Variants in TNN observed in about 807,000 individuals in gnomAD.
The protein encoded by TNN is tenascin-N.
In TNN, 122 loss-of-function variants were observed where a neutral mutation model predicts 134.4. The observed-to-expected ratio is 0.91, with a 90% confidence interval of 0.78 to 1.06. The LOEUF (loss-of-function observed/expected upper bound fraction) is 1.06. TNN is among the 50% of genes least tolerant of loss of function. The probability of loss-of-function intolerance (pLI) is 0.00; values close to 1 mark genes in which losing one functional copy is unlikely to be tolerated. For missense variants in TNN, 1,739 were observed against 1,699.4 expected, an observed-to-expected ratio of 1.02 and a Z score of -0.41; for synonymous variants, 710 against 670.3, an observed-to-expected ratio of 1.06 and a Z score of -0.91.
At chr1:175,126,083 A>G (rs1675521669) in intron 12 of TNN, among the ~76,000 whole-genome samples, 1 of 140,974 alleles carries the variant, frequency 7.1e-6, no homozygotes, top group South Asian at 2.2e-4. Context: ...GTATGTAAGA[A>G]ACATAACTTT....
At position 175,083,841 on chromosome 1, in the gene TNN, C is replaced by T. The variant is rs1674257616; in HGVS notation, c.1140C>T (p.Tyr380=). ...AAAACCCCTCAACTGAGGTGGACTACTACAAGCTGCGATATGGCCCCATGA... is the reference window on the plus strand; with the variant it reads ...AAAACCCCTCAACTGAGGTGGACTATTACAAGCTGCGATATGGCCCCATGA... ...EWENPSTEVD[Y]YKLRYGPMTG... The change falls in exon 5 of 19, where the codon TAC becomes TAT. Residue 380 remains tyrosine, a synonymous_variant. Transcript: ENST00000239462. 1 of 1,614,124 alleles carries T rather than the reference C, an allele frequency of 6.2e-7. No individual in the cohort carries two copies. The highest frequency in any genetic ancestry group is 1.3e-5 in the African/African-American group (1 of 74,942).
intron 5 of TNN, among the ~76,000 whole-genome samples, chr1:175,084,168 T>C (rs919154660): frequency 4.6e-5 from 7 of 152,180 alleles, no homozygotes; most frequent in African/African-American, 1.7e-4. Context: ...GTTAACAGAT[T>C]ATATTTGTGA....
Position 175,117,081 on chromosome 1 carries a change from G to C in TNN, c.2262G>C (p.Pro754=), listed in dbSNP as rs199995910. 6.2e-7 allele frequency: 1 copy of C among 1,614,250 alleles called. No homozygotes were observed. Among genetic ancestry groups the C allele is most frequent in the Non-Finnish European group, 8.5e-7 (1 of 1,180,038 alleles). The change falls in exon 10 of 19, where the codon CCG becomes CCC. Residue 754 remains proline (P), a synonymous_variant. Transcript: ENST00000239462. ...SAKDGETREV[P]VGKEQSSTVL... is the part of the protein sequence containing the mutation. ...AGGACGGAGAGACCAGGGAGGTTCC[G>C]GTGGGGAAGGAGCAGAGTAGCACTG...
At chr1:175,110,634 C>T (rs574630163) in intron 9 of TNN, among the ~76,000 whole-genome samples, 31 of 152,282 alleles carry the variant, frequency 2.0e-4, no homozygotes, top group Admixed American at 1.8e-3. Context: ...GTTCTTTCCC[C>T]ATTGAATGTT....
In TNN at chr1:175,094,144, G is replaced by T. The variant is rs756217445; in HGVS notation, c.1479G>T (p.Glu493Asp). Residue 493 changes from glutamate (E) to aspartate (D), a missense_variant, in exon 7 of 19, where the codon GAG (glutamate) becomes GAT (aspartate). Coordinates refer to ENST00000239462, the MANE Select transcript of TNN (RefSeq NM_022093.2). ...AGGAAATGGCAGTGCACAAGGATGA[G>T]AGCAGCACTGTCCTGACGGGCCTGA... ...DTKEMAVHKD[E>D]SSTVLTGLKP... The T allele has an allele frequency of 5.6e-6, 9 of 1,614,222 alleles. No homozygotes were observed. The highest frequency in any genetic ancestry group is 7.6e-6 in the Non-Finnish European group (9 of 1,180,040).
rs561279916 is a variant in TNN, at chr1:175,088,056, C to A, written c.1324+2562C>A. 2.3e-3 allele frequency among the ~76,000 whole-genome samples: 355 copies of A among 152,322 alleles called. 3 individuals carry two copies. Among genetic ancestry groups the A allele is most frequent in the African/African-American group, 8.3e-3 (345 of 41,566 alleles). On this transcript the variant is annotated intron_variant, in intron 6 of 18. Transcript: ENST00000239462. ...CCCCAAACCTCCACTTGTTCAGCAA[C>A]CAGGAAGCACTCTGAACCCAGTCCT...
intron 3 of TNN, 95 bp downstream of exon 3, chr1:175,079,802 C>G (rs564269163): frequency 6.9e-7 from 1 of 1,439,544 alleles, no homozygotes; most frequent in Admixed American, 2.6e-5. Context: ...GGGGTCTCTT[C>G]CTTTAGCCTA....
At chr1:175,086,059 T>A (rs905193378) in intron 6 of TNN, among the ~76,000 whole-genome samples, 4 of 152,202 alleles carry the variant, frequency 2.6e-5, no homozygotes, top group African/African-American at 7.2e-5. Context: ...CTGACACCGT[T>A]CTGCTTATTT....
At chr1:175,095,901 T>C (rs1317159660) in intron 7 of TNN, among the ~76,000 whole-genome samples, 1 of 152,200 alleles carries the variant, frequency 6.6e-6, no homozygotes. Context: ...GAAGTTGGAA[T>C]AGAGAAGAAC....
chr1:175,102,509 G>A (rs1201357691), intron 9 of TNN, among the ~76,000 whole-genome samples: 1 of 145,748 alleles, frequency 6.9e-6, no homozygotes, highest in African/African-American at 2.5e-5. Flanking sequence ...GCACTGCTGG[G>A]GGACCCAGTA....
chr1:175,125,023 A>T (rs1281181986), intron 12 of TNN, among the ~76,000 whole-genome samples: 1 of 152,244 alleles, frequency 6.6e-6, no homozygotes, highest in Non-Finnish European at 1.5e-5. Context: ...AGGTGGCAGG[A>T]GATTGCTTAA....
At chr1:175,110,240 T>G (rs1168344540) in intron 9 of TNN, among the ~76,000 whole-genome samples, 2 of 152,234 alleles carry the variant, frequency 1.3e-5, no homozygotes, top group Non-Finnish European at 2.9e-5. Context: ...TGCTATTGAG[T>G]TTGAACTCCT....
chr1:175,095,614 C>T (rs993249909), intron 7 of TNN, among the ~76,000 whole-genome samples: 3 of 152,192 alleles, frequency 2.0e-5, no homozygotes, highest in African/African-American at 7.2e-5. Context: ...CGCTCTCTTG[C>T]CCAGGCTGGA....
In TNN at chr1:175,126,985, C is replaced by G. The variant is rs1558370129; in HGVS notation, c.2945C>G (p.Ser982Cys). 1.9e-6 allele frequency: 3 copies of G among 1,613,938 alleles called. No individual in the cohort carries two copies. The highest frequency in any genetic ancestry group is 2.5e-6 in the Non-Finnish European group (3 of 1,179,958). ...ELDPPRNLRP[S>C]AVTQSGGILT... ...GACCCTCCCAGAAACCTTCGTCCAT[C>G]TGCTGTAACGCAGTCTGGTGGCATA... Residue 982 changes from serine (S) to cysteine (C), a missense_variant, in exon 13 of 19, where the codon TCT becomes TGT. By Grantham distance (112) the Ser-to-Cys change is moderately radical. Coordinates refer to ENST00000239462, the MANE Select transcript of TNN (RefSeq NM_022093.2).
At position 175,097,603 on chromosome 1, in the gene TNN, C is replaced by G. The variant is rs1416671550; in HGVS notation, c.1775C>G (p.Pro592Arg). ...QSSTVLTGLR[P>R]GVEYTVHVWA... is the part of the protein sequence containing the mutation. ...AGCACTGTCCTGACAGGCCTGAGGC[C>G]AGGTGTGGAGTACACAGTGCATGTC... is the stretch of plus-strand genomic sequence containing the variant. Residue 592 changes from proline (P) to arginine (R), a missense_variant, in exon 8 of 19, where the codon CCA (proline) becomes CGA (arginine). Physicochemically the swap from Pro to Arg is moderately radical, Grantham distance 103. Coordinates refer to ENST00000239462, the MANE Select transcript of TNN (RefSeq NM_022093.2). 6.2e-7 allele frequency: 1 copy of G among 1,614,128 alleles called. No individual in the cohort carries two copies. The highest frequency in any genetic ancestry group is 2.2e-5 in the East Asian group (1 of 44,880).
intron 12 of TNN, among the ~76,000 whole-genome samples, chr1:175,124,796 C>T (rs1675467674): frequency 6.6e-6 from 1 of 152,238 alleles, no homozygotes; most frequent in African/African-American, 2.4e-5. Context: ...CTTCTTCCCT[C>T]TTTCCCACTT....
chr1:175,130,891 C>G (rs1036259011), intron 15 of TNN, among the ~76,000 whole-genome samples: 2 of 152,116 alleles, frequency 1.3e-5, no homozygotes, highest in Admixed American at 1.3e-4. Flanking sequence ...AGCCCCAACC[C>G]CACCCCAAGT....
chr1:175,080,210 CT>C lies in TNN; in HGVS notation c.833del (p.Leu278ArgfsTer3). 1 of 1,614,108 alleles carries C rather than the reference CT, an allele frequency of 6.2e-7. No individual in the cohort carries two copies. The highest frequency in any genetic ancestry group is 8.5e-7 in the Non-Finnish European group (1 of 1,179,990). ...GCTGCTCAAGAACACGGAGGATTCT[CT>C]GCTGGTGAGCTGGGAGCCCTCCAGC... Reference protein sequence around the residue: ...LQLLKNTEDSLLVSWEPSSQV... With the variant: ...LQLLKNTEDSXLVSWEPSSQV... On this transcript the variant is annotated frameshift_variant, in exon 4 of 19. Transcript: ENST00000239462. LOFTEE classifies it high-confidence loss of function.
rs892056424 is a variant in TNN at position 175,144,528 on chromosome 1, A to G, written c.3737A>G (p.Tyr1246Cys). 2.5e-5 allele frequency: 40 copies of G among 1,614,218 alleles called. No homozygotes were observed. The highest frequency in any genetic ancestry group is 3.4e-5 in the Non-Finnish European group (40 of 1,180,024). ...CACTTGGCCAACCCTAATGGCAGAT[A>G]TGGGGAGACCAAGCACAGTGAGGTA... ...NCHLANPNGR[Y>C]GETKHSEGVN... The change falls in exon 18 of 19, where the codon TAT becomes TGT. Residue 1246 changes from tyrosine (Y) to cysteine (C), a missense_variant. Physicochemically the swap from Tyr to Cys is radical, Grantham distance 194. Coordinates refer to ENST00000239462, the MANE Select transcript of TNN (RefSeq NM_022093.2).
Sources: gnomAD v4.1 joint callset for allele counts (sites outside exome capture counted in the v4.1 genomes callset) on GRCh38, gnomAD v4.1.1 for gene constraint, MANE v1.5 for transcripts, NCBI Gene and HGNC (gene_info 2026-07-23, HGNC 2026-07-21) for gene names.